Variants in CNOT7 observed in about 807,000 individuals in gnomAD.
CNOT7 encodes the protein CCR4-NOT transcription complex subunit 7.
In CNOT7, 4 loss-of-function variants were observed where a neutral mutation model predicts 37.1. That is an observed-to-expected ratio of 0.11 (90% CI 0.05 to 0.25). The LOEUF is 0.25. CNOT7 is among the 10% of genes least tolerant of loss of function. The pLI is 1.00. For missense variants in CNOT7, 170 were observed against 336.2 expected (o/e 0.51, Z 3.87); for synonymous variants, 128 against 115.6 (o/e 1.11, Z -0.69).
chr8:17,228,618 G>C lies in CNOT7; in HGVS notation c.*2102C>G, dbSNP rs150902185. ...AAGGCGCTCCTAAACTTTTGATGGG[G>C]TTACCTCTCAATACACCCACTGTAA... is the stretch of plus-strand genomic sequence containing the variant. On this transcript the variant is annotated 3_prime_UTR_variant, in exon 7 of 7. Coordinates refer to ENST00000361272, the MANE Select transcript of CNOT7 (RefSeq NM_013354.7). The C allele has an allele frequency of 1.3e-5, 2 of 151,898 alleles. No individual in the cohort carries two copies. The highest frequency in any genetic ancestry group is 6.6e-5 in the Admixed American group (1 of 15,236). The allele number at this position is 151,898 out of a possible 1,614,324, so 9.4% of individuals were successfully genotyped here.
rs1352784807 is a variant in CNOT7, at chr8:17,226,077, T to C, written c.*4643A>G. 3.2e-5 allele frequency: 4 copies of C among 123,742 alleles called. No individual in the cohort carries two copies. The highest frequency in any genetic ancestry group is 2.7e-4 in the South Asian group (1 of 3,762). The allele number at this position is 123,742 out of a possible 1,614,324, so 7.7% of individuals were successfully genotyped here. Reference sequence around the variant, plus strand: ...TTTTGAAAAGGGCAGGTAGCAAATATTAGAGGCTTTGCAAGCTAAGACAAA... The same window carrying C: ...TTTTGAAAAGGGCAGGTAGCAAATACTAGAGGCTTTGCAAGCTAAGACAAA... On this transcript the variant is annotated 3_prime_UTR_variant, in exon 7 of 7. Transcript: ENST00000361272.
At chr8:17,237,908 G>A (rs891552326) in intron 3 of CNOT7, among the ~76,000 whole-genome samples, 1 of 152,226 alleles carries the variant, frequency 6.6e-6, no homozygotes, top group African/African-American at 2.4e-5. Context: ...TTTCACAAAT[G>A]AGCCTTGCAA....
At chr8:17,238,697 G>A (rs1248146202) in intron 3 of CNOT7, among the ~76,000 whole-genome samples, 1 of 152,148 alleles carries the variant, frequency 6.6e-6, no homozygotes, top group East Asian at 1.9e-4. Context: ...CATTTGCCAA[G>A]GTATAGGTAT....
chr8:17,239,386 T>C (rs1437416354), intron 3 of CNOT7, among the ~76,000 whole-genome samples: 1 of 152,092 alleles, frequency 6.6e-6, no homozygotes, highest in Non-Finnish European at 1.5e-5. Context: ...TCTATCTCCT[T>C]CTTTACACTG....
chr8:17,244,790 A>AT, intron 2 of CNOT7: 2 of 398,906 alleles, frequency 5.0e-6, no homozygotes, highest in South Asian at 6.7e-5. Context: ...CCTAACTCTT[A>AT]TTCAAACGGC....
intron 2 of CNOT7, chr8:17,244,830 TC>T: frequency 2.0e-6 from 1 of 488,974 alleles, no homozygotes; most frequent in Admixed American, 3.9e-5. Context: ...CAGTGCGTTT[TC>T]CCTCACTGCA....
chr8:17,227,929 A>G lies in CNOT7; in HGVS notation c.*2791T>C, dbSNP rs1808265457. The stretch of plus-strand genomic sequence containing the variant: ...GCTTTCAGGTAATATCTGCATCACC[A>G]TGATTCTGTAGCTTGCCAAGCGGCA... On this transcript the variant is annotated 3_prime_UTR_variant, in exon 7 of 7. Transcript: ENST00000361272. The G allele has an allele frequency of 6.6e-6, 1 of 151,930 alleles. No homozygotes were observed. The highest frequency in any genetic ancestry group is 2.4e-5 in the African/African-American group (1 of 41,434). The allele number at this position is 151,930 out of a possible 1,614,324, so 9.4% of individuals were successfully genotyped here.
chr8:17,238,068 AAAAG>A, intron 3 of CNOT7, among the ~76,000 whole-genome samples: 1 of 152,368 alleles, frequency 6.6e-6, no homozygotes, highest in Non-Finnish European at 1.5e-5. Context: ...ACTTAAGCCA[AAAAG>A]AAAGCCATCT....
chr8:17,232,259 A>G (rs1410518097), intron 6 of CNOT7, 168 bp downstream of exon 6: 5 of 1,458,734 alleles, frequency 3.4e-6, no homozygotes, highest in African/African-American at 1.4e-5. Flanking sequence ...CTACATTTCA[A>G]GATGACTTAT....
Position 17,229,911 on chromosome 8 carries a change from A to C in CNOT7, c.*809T>G, listed in dbSNP as rs113540305. On this transcript the variant is annotated 3_prime_UTR_variant, in exon 7 of 7. Transcript: ENST00000361272. The stretch of plus-strand genomic sequence containing the variant: ...CAAGGGAAGTGTGCTATCATAAAAT[A>C]ACTGTAGCTTCAACATCTTGAGTAC... 0.012 allele frequency: 1,769 copies of C among 152,422 alleles called. 17 individuals are homozygous for C. The highest frequency in any genetic ancestry group is 0.02 in the Non-Finnish European group (1,379 of 67,850). The allele number at this position is 152,422 out of a possible 1,614,324, so 9.4% of individuals were successfully genotyped here.
intron 3 of CNOT7, among the ~76,000 whole-genome samples, chr8:17,238,139 C>A (rs1180938797): frequency 6.6e-6 from 1 of 152,128 alleles, no homozygotes; most frequent in African/African-American, 2.4e-5. Flanking sequence ...TTAAAAGTTT[C>A]CAAAATATAT....
Position 17,231,991 on chromosome 8 carries a change from A to G in CNOT7, c.729+436T>C, listed in dbSNP as rs185293897. ...AATGACATGAGCAAATAATATATTT[A>G]TCACCAGTTTAAACCTTAAAAGGGG... On this transcript the variant is annotated intron_variant, in intron 6 of 6. Coordinates refer to ENST00000361272, the MANE Select transcript of CNOT7 (RefSeq NM_013354.7). 8.0e-5 allele frequency: 80 copies of G among 996,238 alleles called. No homozygotes were observed. In the East Asian group the frequency reaches 7.1e-3, roughly 88 times the overall value. The allele number at this position is 996,238 out of a possible 1,614,324, so 61.7% of individuals were successfully genotyped here.
Position 17,229,116 on chromosome 8 carries a change from A to C in CNOT7, c.*1604T>G, listed in dbSNP as rs1377469563. Reference sequence around the variant, plus strand: ...CTGATTTTTCAATTAATGGACTAATAATCATCTAGGGTTAATGAAGGAAGT... The same window carrying C: ...CTGATTTTTCAATTAATGGACTAATCATCATCTAGGGTTAATGAAGGAAGT... On this transcript the variant is annotated 3_prime_UTR_variant, in exon 7 of 7. Transcript: ENST00000361272. The C allele has an allele frequency of 2.0e-5, 3 of 151,956 alleles. No homozygotes were observed. Among genetic ancestry groups the C allele is most frequent in the Admixed American group, 1.3e-4 (2 of 15,240 alleles). 9.4% of individuals were successfully genotyped at this position (151,956 alleles called of 1,614,324 possible). A position where few individuals can be genotyped will look rare whatever the true frequency, so the allele number is the denominator to read the frequency against.
chr8:17,238,342 C>T (rs779746336), intron 3 of CNOT7, among the ~76,000 whole-genome samples: 1 of 144,838 alleles, frequency 6.9e-6, no homozygotes, highest in African/African-American at 2.7e-5. Flanking sequence ...CAAAAAGTAT[C>T]GTTATGGTTA....
At chr8:17,239,177 C>T (rs1479935348) in intron 3 of CNOT7, among the ~76,000 whole-genome samples, 1 of 152,190 alleles carries the variant, frequency 6.6e-6, no homozygotes, top group Non-Finnish European at 1.5e-5. Context: ...TGTAGCCTCC[C>T]AAGTAGCTGG....
rs1177116688 is a variant in CNOT7, at chr8:17,228,031, G to GATA, written c.*2686_*2688dup. The stretch of plus-strand genomic sequence containing the variant: ...CCATTATAGCAAAAAAGTATCCATA[G>GATA]ATAATATGTAAATTAGTGTGGCTGC... On this transcript the variant is annotated 3_prime_UTR_variant, in exon 7 of 7. Coordinates refer to ENST00000361272, the MANE Select transcript of CNOT7 (RefSeq NM_013354.7). 1 of 151,832 alleles carries GATA rather than the reference G, an allele frequency of 6.6e-6. No individual in the cohort carries two copies. The highest frequency in any genetic ancestry group is 2.4e-5 in the African/African-American group (1 of 41,418). 9.4% of individuals were successfully genotyped at this position (151,832 alleles called of 1,614,324 possible).
chr8:17,234,699 G>A lies in CNOT7; in HGVS notation c.618+17C>T, dbSNP rs1809107352. 1 of 1,613,316 alleles carries A rather than the reference G, an allele frequency of 6.2e-7. No homozygotes were observed. The highest frequency in any genetic ancestry group is 1.1e-5 in the South Asian group (1 of 91,040). ...TGAACAGTGTGCTGCTGTAGATAAT[G>A]CCATCCGAAGCCTTACTTTGAGATT... On this transcript the variant is annotated intron_variant, in intron 5 of 6. Transcript: ENST00000361272.
intron 3 of CNOT7, 180 bp from the exon 4 acceptor site, chr8:17,237,553 T>G (rs1809544989): frequency 1.8e-6 from 1 of 554,528 alleles, no homozygotes; most frequent in South Asian, 2.9e-5. Context: ...GGTCATTATT[T>G]CAGAAAAGTG....
At chr8:17,234,410 G>A (rs189984534) in intron 5 of CNOT7, among the ~76,000 whole-genome samples, 1 of 152,168 alleles carries the variant, frequency 6.6e-6, no homozygotes, top group South Asian at 2.1e-4. Context: ...GCATATGAGA[G>A]CCTCAATGTC....
Sources: gnomAD v4.1 joint callset for allele counts (sites outside exome capture counted in the v4.1 genomes callset) on GRCh38, gnomAD v4.1.1 for gene constraint, MANE v1.5 for transcripts, NCBI Gene and HGNC (gene_info 2026-07-23, HGNC 2026-07-21) for gene names.